The following METTL15 variants were observed in gnomAD, a reference collection of about 807,000 sequenced individuals.
METTL15 encodes methyltransferase 15, mitochondrial 12S rRNA N4-cytidine.
In METTL15, 34 loss-of-function variants were observed where a neutral mutation model predicts 38.3. That is an observed-to-expected ratio of 0.89 (90% CI 0.68 to 1.18). METTL15 has a LOEUF of 1.18. Among genes scored for constraint, METTL15 ranks in the 50% most tolerant of loss-of-function variants. The probability of loss-of-function intolerance (pLI) is 0.00; values close to 1 mark genes in which losing one functional copy is unlikely to be tolerated. For synonymous variants in METTL15, 162 were observed against 170.9 expected, an observed-to-expected ratio of 0.95 and a Z score of 0.41; for missense variants, 438 against 498.4, an observed-to-expected ratio of 0.88 and a Z score of 1.15.
At chr11:28,417,858 A>G (rs1209304840) in intron 5 of METTL15, among the ~76,000 whole-genome samples, 1 of 152,208 alleles carries the variant, frequency 6.6e-6, no homozygotes, top group African/African-American at 2.4e-5. Flanking sequence ...TACAAAGTTC[A>G]TATGTATAAA....
chr11:28,253,158 T>G (rs1854817594), intron 4 of METTL15, among the ~76,000 whole-genome samples: 1 of 152,158 alleles, frequency 6.6e-6, no homozygotes, highest in Admixed American at 6.5e-5. Flanking sequence ...TAAGCTCCAC[T>G]GAAGTTTAGT....
At chr11:28,282,187 T>C (rs1225374569) in intron 4 of METTL15, among the ~76,000 whole-genome samples, 2 of 152,160 alleles carry the variant, frequency 1.3e-5, no homozygotes, top group Non-Finnish European at 2.9e-5. Context: ...TTATCATGTA[T>C]TCACCTTTGA....
intron 5 of METTL15, among the ~76,000 whole-genome samples, chr11:28,368,128 C>CAAAAAA (rs796151908): frequency 3.1e-5 from 1 of 32,578 alleles, no homozygotes; most frequent in Non-Finnish European, 5.8e-5. Context: ...TTCTGCATAG[C>CAAAAAA]AAAAAAAAAA....
chr11:28,197,274 A>G (rs537773380), intron 3 of METTL15, among the ~76,000 whole-genome samples: 15 of 151,952 alleles, frequency 9.9e-5, no homozygotes, highest in South Asian at 4.1e-4. Flanking sequence ...CAAAGGTTCT[A>G]TTACTGTTTA....
At chr11:28,396,308 A>T (rs371246779) in intron 5 of METTL15, among the ~76,000 whole-genome samples, 1 of 152,080 alleles carries the variant, frequency 6.6e-6, no homozygotes, top group Non-Finnish European at 1.5e-5. Flanking sequence ...CAAATTGTCC[A>T]TGTTTGCAGA....
At chr11:28,187,234 A>G (rs1285237512) in intron 3 of METTL15, among the ~76,000 whole-genome samples, 3 of 151,302 alleles carry the variant, frequency 2.0e-5, no homozygotes, top group Non-Finnish European at 4.4e-5. Context: ...TCCCAGTGCT[A>G]TGGCCTTCTC....
intron 3 of METTL15, among the ~76,000 whole-genome samples, chr11:28,196,597 A>C (rs892996308): frequency 7.2e-5 from 11 of 151,908 alleles, no homozygotes; most frequent in Non-Finnish European, 1.6e-4. Flanking sequence ...GGGTCTTTTG[A>C]AAGATAGTTT....
intron 3 of METTL15, among the ~76,000 whole-genome samples, chr11:28,339,668 T>A (rs893780870): frequency 6.6e-6 from 1 of 152,006 alleles, no homozygotes; most frequent in African/African-American, 2.4e-5. Flanking sequence ...GGAGAGAAAG[T>A]GACAGAATTT....
At chr11:28,174,090 G>T (rs1471540819) in intron 3 of METTL15, among the ~76,000 whole-genome samples, 1 of 152,178 alleles carries the variant, frequency 6.6e-6, no homozygotes, top group African/African-American at 2.4e-5. Context: ...ACTAAGCACA[G>T]TGCATACTTA....
intron 6 of METTL15, among the ~76,000 whole-genome samples, chr11:28,442,248 A>G (rs970835028): frequency 4.6e-5 from 7 of 152,150 alleles, no homozygotes; most frequent in African/African-American, 1.7e-4. Context: ...TTATTTGGGA[A>G]TTTGCTCTGG....
chr11:28,122,191 C>T (rs1162113256), intron 3 of METTL15: 2 of 1,250,078 alleles, frequency 1.6e-6, no homozygotes, highest in East Asian at 6.1e-5. Flanking sequence ...GTAAATTTAA[C>T]ATTTTTTTAA....
At chr11:28,506,308 T>A (rs1851627182) in intron 6 of METTL15, among the ~76,000 whole-genome samples, 1 of 152,220 alleles carries the variant, frequency 6.6e-6, no homozygotes, top group African/African-American at 2.4e-5. Flanking sequence ...AACAGAATAA[T>A]CATAGACTTT....
In METTL15 at chr11:28,110,165, G is replaced by C. The variant is rs566290881; in HGVS notation, c.-253-1G>C. On this transcript the variant is annotated splice_acceptor_variant, in intron 1 of 6. Transcript: ENST00000407364. LOFTEE classifies it low-confidence loss of function (5UTR_SPLICE). ...AGTGAGGTCTTATTTATTTCCCCCA[G>C]GAAAGTCGTTTGGAAACCCCAGGCC... 6.6e-5 allele frequency: 10 copies of C among 152,346 alleles called. No individual in the cohort carries two copies. The Middle Eastern group carries it at 0.01, about 155-fold the overall frequency. 9.4% of individuals were successfully genotyped at this position (152,346 alleles called of 1,614,324 possible).
At chr11:28,410,458 T>A (rs542472274) in intron 5 of METTL15, among the ~76,000 whole-genome samples, 2 of 152,276 alleles carry the variant, frequency 1.3e-5, no homozygotes, top group East Asian at 3.9e-4. Flanking sequence ...CCTGCAAGAC[T>A]GATTTAACAT....
chr11:28,129,125 C>T (rs961155754), intron 3 of METTL15, among the ~76,000 whole-genome samples: 1 of 152,154 alleles, frequency 6.6e-6, no homozygotes, highest in Non-Finnish European at 1.5e-5. Context: ...ATAACATATT[C>T]TCAAGGTTAG....
At chr11:28,460,255 A>T (rs1851203449) in intron 6 of METTL15, among the ~76,000 whole-genome samples, 1 of 152,054 alleles carries the variant, frequency 6.6e-6, no homozygotes, top group African/African-American at 2.4e-5. Context: ...CTTACTTGTA[A>T]TGGACATTTG....
chr11:28,219,193 CT>C (rs1295785796), intron 4 of METTL15, among the ~76,000 whole-genome samples: 1 of 151,960 alleles, frequency 6.6e-6, no homozygotes. Flanking sequence ...TGGTCCTGGA[CT>C]TTTTTTGGTT....
At position 28,308,831 on chromosome 11, in the gene METTL15, A is replaced by G. The variant is rs531298294; in HGVS notation, c.778+11900A>G. ...CTGCATTGAAACTTCTTCATCACTA[A>G]AGTGTCTCCCCTTAGCAGGTTCATC... On this transcript the variant is annotated intron_variant, in intron 6 of 6. Coordinates refer to ENST00000407364, the MANE Select transcript of METTL15 (RefSeq NM_001113528.2). Among the ~76,000 whole-genome samples, 15 of 152,162 alleles carry G rather than the reference A, an allele frequency of 9.9e-5. No individual in the cohort carries two copies. The South Asian group carries it at 3.1e-3, about 32-fold the overall frequency.
Position 28,181,259 on chromosome 11 carries a change from A to T in METTL15, c.271-29803A>T, listed in dbSNP as rs375073353. 1.3e-3 allele frequency among the ~76,000 whole-genome samples: 175 copies of T among 133,790 alleles called. 1 individual carries two copies. Among genetic ancestry groups the T allele is most frequent in the Non-Finnish European group, 2.4e-3 (149 of 63,316 alleles). 87.8% of individuals were successfully genotyped at this position (133,790 alleles called of 152,430 possible). On this transcript the variant is annotated intron_variant, in intron 3 of 6. Transcript: ENST00000407364. ...CGTTTATTTATTTATTTAATTTTTA[A>T]TTTTTTTTTTTTTTGTATTTTAAGT...
Sources: allele counts gnomAD v4.1 joint callset (sites outside exome capture counted in the v4.1 genomes callset), GRCh38; gene constraint gnomAD v4.1.1; transcripts MANE v1.5; gene names NCBI Gene and HGNC (gene_info 2026-07-23, HGNC 2026-07-21).